KCNT1: variants seen among roughly 807,000 people sequenced by gnomAD.
The protein encoded by KCNT1 is potassium sodium-activated channel subfamily T member 1, also known as potassium channel subfamily T member 1.
A neutral mutation model predicts 147.8 loss-of-function variants in KCNT1; 78 were observed. The ratio of observed to expected loss-of-function variants is 0.53; its 90% CI spans 0.44 to 0.64. The LOEUF is 0.64. KCNT1 is among the 30% of genes least tolerant of loss of function. The pLI is 0.00. For missense variants in KCNT1, 1,419 were observed against 1,750.3 expected, an observed-to-expected ratio of 0.81 and a Z score of 3.38; for synonymous variants, 867 against 748.8, an observed-to-expected ratio of 1.16 and a Z score of -2.58.
chr9:135,784,547 GACT>G lies in KCNT1; in HGVS notation c.2959_2961del (p.Tyr987del), dbSNP rs1833883390. ...CCTCCCTGGCCAGTCCTTCGTGAAG[GACT>G]ACATGATCACCATCACCCGGCTGCT... On this transcript the variant is annotated inframe_deletion, in exon 26 of 31. Transcript: ENST00000371757. The G allele has an allele frequency of 1.5e-6, 2 of 1,345,726 alleles. No individual in the cohort carries two copies. The highest frequency in any genetic ancestry group is 3.9e-5 in the East Asian group (1 of 25,792). 83.4% of individuals were successfully genotyped at this position (1,345,726 alleles called of 1,614,324 possible).
intron 2 of KCNT1, among the ~76,000 whole-genome samples, chr9:135,745,201 T>C (rs1382338379): frequency 1.3e-5 from 2 of 152,228 alleles, no homozygotes; most frequent in Non-Finnish European, 2.9e-5. Context: ...TAGATTCTTC[T>C]GCCCCGTCCT....
At chr9:135,709,319 T>C (rs951352639) in intron 1 of KCNT1, among the ~76,000 whole-genome samples, 5 of 152,338 alleles carry the variant, frequency 3.3e-5, no homozygotes, top group Non-Finnish European at 5.9e-5. Context: ...GTCTTGGCTG[T>C]AGCTGTCAGT....
chr9:135,788,094 C>G (rs1224420150), intron 29 of KCNT1: 1 of 1,602,962 alleles, frequency 6.2e-7, no homozygotes, highest in Admixed American at 1.7e-5. Flanking sequence ...TCTGTGTGTT[C>G]TGTAGAGGAC....
Position 135,736,601 on chromosome 9 carries a change from CCGCCGCCCGCCG to C in KCNT1, c.255-13491_255-13480del, listed in dbSNP as rs1294312772. ...CGGCGCCGCCCCCGCTGCCCGCCGC[CCGCCGCCCGCCG>C]CGCCGAGCGCTCCCGCAGGATGGCG... On this transcript the variant is annotated intron_variant, in intron 2 of 30. Coordinates refer to ENST00000371757, the MANE Select transcript of KCNT1 (RefSeq NM_020822.3). 5 of 149,926 alleles carry C rather than the reference CCGCCGCCCGCCG, an allele frequency of 3.3e-5. No individual in the cohort carries two copies. The East Asian group carries it at 7.8e-4, about 23-fold the overall frequency. 9.3% of individuals were successfully genotyped at this position (149,926 alleles called of 1,614,324 possible).
chr9:135,784,356 C>T (rs1344708446), intron 25 of KCNT1, among the ~76,000 whole-genome samples, 179 bp from the exon 26 acceptor site: 2 of 152,170 alleles, frequency 1.3e-5, no homozygotes, highest in Non-Finnish European at 2.9e-5. Flanking sequence ...CAGAACTCTG[C>T]CTGTGGGTCA....
Position 135,714,677 on chromosome 9 carries a change from C to A in KCNT1, c.211C>A (p.Arg71=). 6.8e-7 allele frequency: 1 copy of A among 1,481,118 alleles called. No homozygotes were observed. Among genetic ancestry groups the A allele is most frequent in the South Asian group, 1.2e-5 (1 of 82,030 alleles). 91.7% of individuals were successfully genotyped at this position (1,481,118 alleles called of 1,614,324 possible). ...GCCCTTGCCGCCGCGCTACCGCTTC[C>A]GGGACCTGCTGCTGGGCGACCCGTC... is the stretch of plus-strand genomic sequence containing the variant. ...VLPLPPRYRF[R]DLLLGDPSFQ... The change falls in exon 2 of 31, where the codon CGG becomes AGG. Residue 71 remains arginine (R), a synonymous_variant. Coordinates refer to ENST00000371757, the MANE Select transcript of KCNT1 (RefSeq NM_020822.3). The surrounding 1 kb of genome is among the most constrained non-coding windows in gnomAD (Gnocchi z 6.2).
At chr9:135,744,268 G>A (rs1830701253) in intron 2 of KCNT1, among the ~76,000 whole-genome samples, 2 of 152,256 alleles carry the variant, frequency 1.3e-5, no homozygotes, top group South Asian at 2.1e-4. Flanking sequence ...AACTGTTGCC[G>A]GCCTCTGCCG....
chr9:135,767,080 C>T (rs1236432339), intron 13 of KCNT1, among the ~76,000 whole-genome samples: 1 of 152,200 alleles, frequency 6.6e-6, no homozygotes, highest in African/African-American at 2.4e-5. Flanking sequence ...GTGACATTTT[C>T]ATTCCAGGAG....
At position 135,771,001 on chromosome 9, in the gene KCNT1, G is replaced by A. The variant is rs1056279495; in HGVS notation, c.1914G>A (p.Lys638=). 6.2e-7 allele frequency: 1 copy of A among 1,613,896 alleles called. No individual in the cohort carries two copies. The highest frequency in any genetic ancestry group is 1.7e-5 in the Admixed American group (1 of 59,988). ...AGGAGAACTCGGCCTTCATCTTCAA[G>A]CAGGAGGAGAAGCGGAAGAAGAGGG... is the stretch of plus-strand genomic sequence containing the variant. ...TKEENSAFIF[K]QEEKRKKRAF... The change falls in exon 18 of 31, where the codon AAG becomes AAA. Residue 638 remains lysine (K), a synonymous_variant. Transcript: ENST00000371757.
Position 135,759,998 on chromosome 9 carries a change from C to T in KCNT1, c.1035+139C>T. ...GGACAGTGAGGCCAGGCGGGTGGTG[C>T]CTGCTCCGTTGCACGCCCCCACTGA... On this transcript the variant is annotated intron_variant, in intron 11 of 30. Transcript: ENST00000371757. 3.9e-6 allele frequency: 3 copies of T among 777,494 alleles called. No individual in the cohort carries two copies. In the South Asian group the frequency reaches 6.1e-5, roughly 16 times the overall value. 48.2% of individuals were successfully genotyped at this position (777,494 alleles called of 1,614,324 possible). A position where few individuals can be genotyped will look rare whatever the true frequency, so the allele number is the denominator to read the frequency against.
In KCNT1 at chr9:135,786,334, ACGG is replaced by A; in HGVS notation, c.3318_3320del (p.Arg1107del). The A allele has an allele frequency of 6.3e-7, 1 of 1,594,730 alleles. No homozygotes were observed. The highest frequency in any genetic ancestry group is 8.5e-7 in the Non-Finnish European group (1 of 1,172,166). ...GTGACCCCGCAGAGCACCCACTGCT[ACGG>A]CGCAAGAGCCTGCAGTGGGCCCGGA... On this transcript the variant is annotated inframe_deletion, in exon 29 of 31. Transcript: ENST00000371757.
chr9:135,788,097 T>G, intron 29 of KCNT1: 2 of 1,605,156 alleles, frequency 1.2e-6, no homozygotes, highest in South Asian at 1.1e-5. Context: ...GTGTGTTCTG[T>G]AGAGGACGTA....
chr9:135,727,212 CCT>C (rs547905203), intron 2 of KCNT1, among the ~76,000 whole-genome samples: 694 of 51,260 alleles, frequency 0.014, 38 homozygotes, highest in Non-Finnish European at 0.015. Flanking sequence ...TCTCCCTCTC[CCT>C]CTCTCTCTCT....
At chr9:135,774,173 CGT>C (rs1832955058) in intron 19 of KCNT1, among the ~76,000 whole-genome samples, 1 of 142,598 alleles carries the variant, frequency 7.0e-6, no homozygotes, top group African/African-American at 2.6e-5. Context: ...GGTATGTGTC[CGT>C]GTGTGTGATG....
chr9:135,764,798 C>T lies in KCNT1; in HGVS notation c.1036-233C>T, dbSNP rs56382410. Among the ~76,000 whole-genome samples, 34,875 of 152,096 alleles carry T rather than the reference C, an allele frequency of 0.23. 4,138 individuals are homozygous for T. Among genetic ancestry groups the T allele is most frequent in the Middle Eastern group, 0.34 (100 of 294 alleles). Reference sequence around the variant, plus strand: ...CCACAGTCTCCAGCCGCCCCTCCTCCCTTGGTCCCCACACATCCTGCCAGC... The same window carrying T: ...CCACAGTCTCCAGCCGCCCCTCCTCTCTTGGTCCCCACACATCCTGCCAGC... On this transcript the variant is annotated intron_variant, in intron 11 of 30. Transcript: ENST00000371757.
chr9:135,773,612 C>G (rs2131525350), intron 19 of KCNT1, among the ~76,000 whole-genome samples: 1 of 152,398 alleles, frequency 6.6e-6, no homozygotes. Flanking sequence ...TTCTCAGCAG[C>G]TTCTGCCTTT....
intron 11 of KCNT1, among the ~76,000 whole-genome samples, chr9:135,761,772 G>T (rs1831926526): frequency 6.6e-6 from 1 of 152,194 alleles, no homozygotes; most frequent in Non-Finnish European, 1.5e-5. Flanking sequence ...CATCCGAGAG[G>T]CCCCTGGCCC....
At position 135,778,692 on chromosome 9, in the gene KCNT1, G is replaced by A. The variant is rs1424894748; in HGVS notation, c.2599G>A (p.Asp867Asn). The A allele has an allele frequency of 1.2e-6, 2 of 1,612,502 alleles. No individual in the cohort carries two copies. The highest frequency in any genetic ancestry group is 1.7e-6 in the Non-Finnish European group (2 of 1,179,608). Reference sequence around the variant, plus strand: ...GGCCCTCGGTCCCGCCACCAGCCTGGACAGCCTGCTGCAGTGTGGCATCAT... The same window carrying A: ...GGCCCTCGGTCCCGCCACCAGCCTGAACAGCCTGCTGCAGTGTGGCATCAT... ...YYMEGSVDNL[D>N]SLLQCGIIYA... The change falls in exon 23 of 31, where the codon GAC becomes AAC. Residue 867 changes from aspartate to asparagine, a missense_variant. By Grantham distance (23) the Asp-to-Asn change is conservative (BLOSUM62 1). Around this residue, in one of 5 missense-constraint regions of KCNT1, gnomAD observed 247 missense variants for 397.1 expected, o/e 0.62. Transcript: ENST00000371757.
chr9:135,783,979 A>G, intron 24 of KCNT1, 45 bp from the exon 25 acceptor site: 2 of 1,506,660 alleles, frequency 1.3e-6, no homozygotes, highest in Non-Finnish European at 1.8e-6. Context: ...GTGCCACTGG[A>G]GGGACCTCGG....
Sources: gnomAD v4.1 joint callset for allele counts (sites outside exome capture counted in the v4.1 genomes callset) on GRCh38, gnomAD v4.1.1 for gene constraint, gnomAD v4.1.1 regional missense constraint, Gnocchi (gnomAD v3.1) non-coding constraint, MANE v1.5 for transcripts, NCBI Gene and HGNC (gene_info 2026-07-23, HGNC 2026-07-21) for gene names.